The following MYRIP variants were observed in gnomAD, a reference collection of about 807,000 sequenced individuals.
MYRIP encodes the protein rab effector MyRIP.
A neutral mutation model predicts 98.0 loss-of-function variants in MYRIP; 49 were observed. The ratio of observed to expected loss-of-function variants is 0.50; its 90% confidence interval spans 0.40 to 0.63. The LOEUF is 0.63. Among genes scored for constraint, MYRIP ranks in the 30% least tolerant of loss-of-function variants. The pLI, the probability that MYRIP is intolerant of heterozygous loss-of-function variation, is 0.00. For synonymous variants in MYRIP, 404 were observed against 409.5 expected (o/e 0.99, Z 0.16); for missense variants, 1,004 against 1,058.2 (o/e 0.95, Z 0.71).
intron 3 of MYRIP, among the ~76,000 whole-genome samples, chr3:40,098,188 A>G (rs1948867461): frequency 6.6e-6 from 1 of 152,192 alleles, no homozygotes; most frequent in Non-Finnish European, 1.5e-5. Context: ...ATTTAAGTAG[A>G]AGTGCATTAA....
intron 3 of MYRIP, among the ~76,000 whole-genome samples, chr3:40,070,263 A>G (rs1948197708): frequency 6.6e-6 from 1 of 152,194 alleles, no homozygotes; most frequent in Non-Finnish European, 1.5e-5. Context: ...GCAGGGAAAC[A>G]TTAATGTGGG....
At chr3:40,189,060 A>G (rs1022563011) in intron 9 of MYRIP, among the ~76,000 whole-genome samples, 1 of 152,206 alleles carries the variant, frequency 6.6e-6, no homozygotes, top group African/African-American at 2.4e-5. Flanking sequence ...CTGTCCTTGC[A>G]TGGTGCTCTG....
intron 2 of MYRIP, among the ~76,000 whole-genome samples, chr3:40,041,022 G>GAAAAAAAAAAAAAAAAA: frequency 2.4e-5 from 1 of 41,210 alleles, no homozygotes; most frequent in African/African-American, 8.8e-5. Flanking sequence ...ATTACCAGCA[G>GAAAAAAAAAAAAAAAAA]AAAAAAAAAA....
chr3:40,111,374 G>C (rs923249753), intron 3 of MYRIP, among the ~76,000 whole-genome samples: 3 of 152,154 alleles, frequency 2.0e-5, no homozygotes, highest in African/African-American at 4.8e-5. Flanking sequence ...AATGCATTAA[G>C]CTTCAAAAAC....
At chr3:39,958,717 G>T (rs144401977) in intron 2 of MYRIP, among the ~76,000 whole-genome samples, 10,371 of 150,450 alleles carry the variant, frequency 0.069, 544 homozygotes, top group East Asian at 0.18. Context: ...CACAGCAAAA[G>T]AAACTGCCAT....
chr3:39,907,629 T>G (rs1035540815), intron 2 of MYRIP, among the ~76,000 whole-genome samples: 1 of 152,142 alleles, frequency 6.6e-6, no homozygotes, highest in Non-Finnish European at 1.5e-5. Flanking sequence ...TTGGGTTAAG[T>G]CATTGAGGCC....
At chr3:40,006,540 A>G (rs948364956) in intron 2 of MYRIP, among the ~76,000 whole-genome samples, 17 of 152,208 alleles carry the variant, frequency 1.1e-4, no homozygotes, top group Non-Finnish European at 4.4e-5. Context: ...GGCATAATCA[A>G]GAAAACGTCC....
At chr3:40,249,900 C>A (rs934228804) in intron 13 of MYRIP, among the ~76,000 whole-genome samples, 11 of 152,182 alleles carry the variant, frequency 7.2e-5, no homozygotes, top group Middle Eastern at 3.2e-3. Flanking sequence ...CCACTTCTCA[C>A]CCCCATGCTG....
chr3:40,217,321 A>G (rs946968459), intron 11 of MYRIP, among the ~76,000 whole-genome samples: 1 of 152,184 alleles, frequency 6.6e-6, no homozygotes, highest in African/African-American at 2.4e-5. Flanking sequence ...ATAGACATCA[A>G]AAATTCTCAA....
At chr3:39,874,328 T>A (rs1177748265) in intron 1 of MYRIP, among the ~76,000 whole-genome samples, 1 of 151,882 alleles carries the variant, frequency 6.6e-6, no homozygotes, top group Non-Finnish European at 1.5e-5. Flanking sequence ...TGAATACCCT[T>A]TATTTCCTTC....
chr3:40,162,900 ATT>A, intron 5 of MYRIP, 90 bp downstream of exon 5: 1 of 1,187,578 alleles, frequency 8.4e-7, no homozygotes, highest in Non-Finnish European at 1.3e-6. Context: ...CCCCAGATGC[ATT>A]GTTACCCCAG....
chr3:40,070,486 C>G (rs1353155640), intron 3 of MYRIP, among the ~76,000 whole-genome samples: 2 of 152,192 alleles, frequency 1.3e-5, no homozygotes, highest in Admixed American at 6.5e-5. Context: ...TTCTTACCCT[C>G]AGTGAGATTA....
intron 2 of MYRIP, among the ~76,000 whole-genome samples, chr3:39,976,242 A>G (rs572241875): frequency 6.6e-6 from 1 of 152,342 alleles, no homozygotes; most frequent in East Asian, 1.9e-4. Flanking sequence ...AAGGATATGA[A>G]CAGACACTTC....
chr3:39,993,943 CT>C (rs1946265636), intron 2 of MYRIP, among the ~76,000 whole-genome samples: 2 of 152,238 alleles, frequency 1.3e-5, no homozygotes, highest in Non-Finnish European at 2.9e-5. Context: ...CATGTTTCCA[CT>C]GCTTTTCATT....
intron 2 of MYRIP, among the ~76,000 whole-genome samples, chr3:39,951,956 A>C (rs1260383420): frequency 6.6e-6 from 1 of 152,152 alleles, no homozygotes; most frequent in African/African-American, 2.4e-5. Flanking sequence ...CAATTTAATG[A>C]TTTCTAGTAA....
chr3:39,956,209 A>G (rs1402102698), intron 2 of MYRIP, among the ~76,000 whole-genome samples: 2 of 152,184 alleles, frequency 1.3e-5, no homozygotes, highest in Non-Finnish European at 2.9e-5. Context: ...CTCCACCCCA[A>G]ATCAACAGAA....
chr3:40,142,260 T>G (rs1575571770), intron 3 of MYRIP, among the ~76,000 whole-genome samples: 1 of 151,538 alleles, frequency 6.6e-6, no homozygotes, highest in Non-Finnish European at 1.5e-5. Context: ...ACCATGTTGG[T>G]CAGGCTGGTC....
chr3:40,214,437 G>T (rs1342902422), intron 11 of MYRIP, among the ~76,000 whole-genome samples: 1 of 152,174 alleles, frequency 6.6e-6, no homozygotes, highest in Non-Finnish European at 1.5e-5. Flanking sequence ...AGCAGCAGAA[G>T]AACCATTTTA....
intron 16 of MYRIP, among the ~76,000 whole-genome samples, chr3:40,254,355 AT>A (rs990138507): frequency 2.0e-5 from 3 of 150,846 alleles, no homozygotes; most frequent in East Asian, 1.9e-4. Flanking sequence ...GTGAATCTGC[AT>A]TTTTTTTTAC....
Sources: gnomAD v4.1 joint callset for allele counts (sites outside exome capture counted in the v4.1 genomes callset) on GRCh38, gnomAD v4.1.1 for gene constraint, MANE v1.5 for transcripts, NCBI Gene and HGNC (gene_info 2026-07-23, HGNC 2026-07-21) for gene names.